Variants in TLR3 observed in about 807,000 individuals in gnomAD.
The protein encoded by TLR3 is toll like receptor 3.
In TLR3, 43 loss-of-function variants were observed where a neutral mutation model predicts 66.4. The ratio of observed to expected loss-of-function variants is 0.65; its 90% CI spans 0.51 to 0.83. The LOEUF is 0.83. Ranked by LOEUF, TLR3 falls within the 40% of genes least tolerant of loss-of-function variation. TLR3 has a pLI of 0.00. For missense variants in TLR3, 982 were observed against 1,044.6 expected, an observed-to-expected ratio of 0.94 and a Z score of 0.83; for synonymous variants, 397 against 397.2, an observed-to-expected ratio of 1.00 and a Z score of 0.01.
intron 1 of TLR3, among the ~76,000 whole-genome samples, chr4:186,073,982 G>T (rs146623573): frequency 6.6e-6 from 1 of 152,268 alleles, no homozygotes; most frequent in African/African-American, 2.4e-5. Context: ...TTAGTCGGCA[G>T]GGAAATGCAA....
In TLR3 at chr4:186,080,598, T is replaced by A. The variant is rs1307276009; in HGVS notation, c.633+1567T>A. Among the ~76,000 whole-genome samples, 5 of 151,908 alleles carry A rather than the reference T, an allele frequency of 3.3e-5. No homozygotes were observed. In the East Asian group the frequency reaches 9.7e-4, roughly 30 times the overall value. ...AATATTTTATTTTATTTTATTTTAT[T>A]TTATTTTTTGAGACTGAGTTTCACT... is the stretch of plus-strand genomic sequence containing the variant. On this transcript the variant is annotated intron_variant, in intron 3 of 4. Coordinates refer to ENST00000296795, the MANE Select transcript of TLR3 (RefSeq NM_003265.3).
chr4:186,073,413 G>A (rs1167110408), intron 1 of TLR3, among the ~76,000 whole-genome samples: 3 of 151,950 alleles, frequency 2.0e-5, no homozygotes, highest in Non-Finnish European at 2.9e-5. Flanking sequence ...CCAGCTACTC[G>A]GGAGCCTGAG....
At position 186,082,300 on chromosome 4, in the gene TLR3, T is replaced by C. The variant is rs2099303676; in HGVS notation, c.634-20T>C. 1.9e-6 allele frequency: 3 copies of C among 1,592,124 alleles called. No homozygotes were observed. The highest frequency in any genetic ancestry group is 2.6e-6 in the Non-Finnish European group (3 of 1,165,286). On this transcript the variant is annotated intron_variant, in intron 3 of 4. Coordinates refer to ENST00000296795, the MANE Select transcript of TLR3 (RefSeq NM_003265.3). ...CTGTGTTCTTTTGATTGTTAACCTC[T>C]TTTTTTTTCCTACCTTTAGTTTTCT...
At chr4:186,079,394 A>G (rs1324085600) in intron 3 of TLR3, among the ~76,000 whole-genome samples, 1 of 152,200 alleles carries the variant, frequency 6.6e-6, no homozygotes, top group East Asian at 1.9e-4. Flanking sequence ...CCCCAGGTTC[A>G]CAGTCGGGTT....
chr4:186,071,256 G>T (rs2099301421), intron 1 of TLR3, among the ~76,000 whole-genome samples: 1 of 152,194 alleles, frequency 6.6e-6, no homozygotes, highest in Admixed American at 6.5e-5. Flanking sequence ...AATGTCTTCA[G>T]ATGGGGCAAG....
chr4:186,076,816 T>G lies in TLR3; in HGVS notation c.197T>G (p.Leu66Ter). 1 of 1,614,132 alleles carries G rather than the reference T, an allele frequency of 6.2e-7. No homozygotes were observed. The highest frequency in any genetic ancestry group is 8.5e-7 in the Non-Finnish European group (1 of 1,180,028). Residue 66 changes from leucine (L) to a stop codon, truncating the protein, a stop_gained, in exon 2 of 5, where the codon TTA becomes TGA. Transcript: ENST00000296795. LOFTEE classifies it high-confidence loss of function. The part of the protein sequence containing the change: ...LNLTHNQLRR[L>*]PAANFTRYSQ... ...CTTACCCATAATCAACTCAGAAGAT[T>G]ACCAGCCGCCAACTTCACAAGGTAT...
Position 186,083,722 on chromosome 4 carries a change from C to G in TLR3, c.2036C>G (p.Thr679Ser). 1.2e-6 allele frequency: 2 copies of G among 1,611,254 alleles called. No homozygotes were observed. Among genetic ancestry groups the G allele is most frequent in the South Asian group, 2.2e-5 (2 of 90,300 alleles). The change falls in exon 4 of 5, where the codon ACT (threonine) becomes AGT (serine). Residue 679 changes from threonine (T) to serine (S), a missense_variant. Physicochemically the swap from Thr to Ser is moderately conservative, Grantham distance 58. This residue lies in a region of TLR3 where 666 missense variants were observed against 709.0 expected (regional missense o/e 0.94). Transcript: ENST00000296795. The surrounding 1 kb of genome is among the most constrained non-coding windows in gnomAD (Gnocchi z 4.0). ...CTGTCAAGCCACTACCTTTGCAACA[C>G]TCCACCTCACTATCATGGGTTCCCA... Reference protein sequence around the residue: ...PELSSHYLCNTPPHYHGFPVR... With the variant: ...PELSSHYLCNSPPHYHGFPVR...
chr4:186,083,901 C>T lies in TLR3; in HGVS notation c.2215C>T (p.His739Tyr), dbSNP rs1376137437. The T allele has an allele frequency of 1.2e-6, 2 of 1,614,152 alleles. No individual in the cohort carries two copies. The highest frequency in any genetic ancestry group is 1.1e-5 in the South Asian group (1 of 91,088). Residue 739 changes from histidine to tyrosine, a missense_variant, in exon 4 of 5, where the codon CAT (histidine) becomes TAT (tyrosine). His to Tyr is a moderately conservative substitution (Grantham distance 83, BLOSUM62 2). This residue lies in a region of TLR3 where 666 missense variants were observed against 709.0 expected (regional missense o/e 0.94). Coordinates refer to ENST00000296795, the MANE Select transcript of TLR3 (RefSeq NM_003265.3). The surrounding 1 kb of genome is among the most constrained non-coding windows in gnomAD (Gnocchi z 4.0). ...RISFYWNVSV[H>Y]RVLGFKEIDR... ...ATCTTTTTATTGGAATGTTTCAGTA[C>T]ATCGAGTTCTTGGTTTCAAAGAAAT...
At chr4:186,081,433 A>G (rs1244367768) in intron 3 of TLR3, among the ~76,000 whole-genome samples, 1 of 152,166 alleles carries the variant, frequency 6.6e-6, no homozygotes, top group African/African-American at 2.4e-5. Context: ...GTAAGGGTGT[A>G]GGACGGAGCA....
rs1337016559 is a variant in TLR3, at chr4:186,085,848, T to G, written c.*975T>G. ...CTAGAAAGACTATTTTTATTTTTGTTTTTTTGTTTGTTTGTTTTTTATTTG... is the reference window on the plus strand; with the variant it reads ...CTAGAAAGACTATTTTTATTTTTGTGTTTTTGTTTGTTTGTTTTTTATTTG... On this transcript the variant is annotated 3_prime_UTR_variant, in exon 5 of 5. Coordinates refer to ENST00000296795, the MANE Select transcript of TLR3 (RefSeq NM_003265.3). 6.6e-6 allele frequency: 1 copy of G among 152,186 alleles called. No homozygotes were observed. The highest frequency in any genetic ancestry group is 3.2e-3 in the Middle Eastern group (1 of 316). The allele number at this position is 152,186 out of a possible 1,614,324, so 9.4% of individuals were successfully genotyped here.
chr4:186,083,173 A>C lies in TLR3; in HGVS notation c.1487A>C (p.Asp496Ala), dbSNP rs201792200. ...MLRRVALKNV[D>A]SSPSPFQPLR... is the part of the protein sequence containing the mutation. ...CGAAGGGTGGCCCTTAAAAATGTGG[A>C]TAGCTCTCCTTCACCATTCCAGCCT... is the stretch of plus-strand genomic sequence containing the variant. Residue 496 changes from aspartate to alanine, a missense_variant, in exon 4 of 5, where the codon GAT becomes GCT. This residue lies in a region of TLR3 where 666 missense variants were observed against 709.0 expected (regional missense o/e 0.94). Coordinates refer to ENST00000296795, the MANE Select transcript of TLR3 (RefSeq NM_003265.3). The surrounding 1 kb of genome is among the most constrained non-coding windows in gnomAD (Gnocchi z 4.0). The C allele has an allele frequency of 6.2e-7, 1 of 1,614,072 alleles. No individual in the cohort carries two copies. The highest frequency in any genetic ancestry group is 1.3e-5 in the African/African-American group (1 of 74,934).
intron 1 of TLR3, among the ~76,000 whole-genome samples, chr4:186,073,824 G>A (rs922905421): frequency 3.3e-5 from 5 of 151,978 alleles, no homozygotes; most frequent in Non-Finnish European, 2.9e-5. Context: ...TTACAAAATA[G>A]GAATCTGACG....
Position 186,069,778 on chromosome 4 carries a change from G to A in TLR3, c.-8+530G>A, listed in dbSNP as rs143860912. Among the ~76,000 whole-genome samples, 989 of 152,324 alleles carry A rather than the reference G, an allele frequency of 6.5e-3. 8 individuals carry two copies. Among genetic ancestry groups the A allele is most frequent in the African/African-American group, 0.022 (930 of 41,568 alleles). On this transcript the variant is annotated intron_variant, in intron 1 of 4. Coordinates refer to ENST00000296795, the MANE Select transcript of TLR3 (RefSeq NM_003265.3). ...TTTCACCTAATGAAGGATAATGGAAGAAGTGGAGAAGTGGAAAGTTGTTAA... is the reference window on the plus strand; with the variant it reads ...TTTCACCTAATGAAGGATAATGGAAAAAGTGGAGAAGTGGAAAGTTGTTAA...
In TLR3 at chr4:186,086,237, G is replaced by T. The variant is rs188364781; in HGVS notation, c.*1364G>T. The T allele has an allele frequency of 1.1e-4, 16 of 152,282 alleles. No homozygotes were observed. In the East Asian group the frequency reaches 2.7e-3, roughly 26 times the overall value. 9.4% of individuals were successfully genotyped at this position (152,282 alleles called of 1,614,324 possible). A position where few individuals can be genotyped will look rare whatever the true frequency, so the allele number is the denominator to read the frequency against. On this transcript the variant is annotated 3_prime_UTR_variant, in exon 5 of 5. Transcript: ENST00000296795. ...AAAGAGAATCTGATTATTGGAAATA[G>T]ACCTGAATAGCTTTTTGAAATATTT...
Position 186,077,005 on chromosome 4 carries a change from AT to A in TLR3, c.387del (p.Leu130SerfsTer20). 1 of 1,614,122 alleles carries A rather than the reference AT, an allele frequency of 6.2e-7. No homozygotes were observed. The highest frequency in any genetic ancestry group is 8.5e-7 in the Non-Finnish European group (1 of 1,180,034). On this transcript the variant is annotated frameshift_variant, in exon 2 of 5. Coordinates refer to ENST00000296795, the MANE Select transcript of TLR3 (RefSeq NM_003265.3). LOFTEE classifies it high-confidence loss of function. ...FAFCTNLTEL[H>X]LMSNSIQKIK... ...TTCTGCACGAATTTGACTGAACTCC[AT>A]CTCATGTCCAACTCAATCCAGAAAA...
At chr4:186,072,222 A>C (rs2099301601) in intron 1 of TLR3, among the ~76,000 whole-genome samples, 1 of 152,226 alleles carries the variant, frequency 6.6e-6, no homozygotes, top group African/African-American at 2.4e-5. Context: ...CACCCACCAC[A>C]GAAGGCAAAG....
Position 186,082,715 on chromosome 4 carries a change from C to T in TLR3, c.1029C>T (p.Leu343=). The T allele has an allele frequency of 6.2e-7, 1 of 1,614,038 alleles. No homozygotes were observed. Among genetic ancestry groups the T allele is most frequent in the Non-Finnish European group, 8.5e-7 (1 of 1,179,944 alleles). The change falls in exon 4 of 5, where the codon CTC becomes CTT. Residue 343 remains leucine (L), a synonymous_variant. Coordinates refer to ENST00000296795, the MANE Select transcript of TLR3 (RefSeq NM_003265.3). ...FTKQSISLAS[L]PKIDDFSFQW... Reference sequence around the variant, plus strand: ...AACAAAGTATTTCCCTTGCCTCACTCCCCAAGATTGATGATTTTTCTTTTC... The same window carrying T: ...AACAAAGTATTTCCCTTGCCTCACTTCCCAAGATTGATGATTTTTCTTTTC...
Position 186,078,950 on chromosome 4 carries a change from AG to A in TLR3, c.553del (p.Ala185ArgfsTer2), listed in dbSNP as rs2099302934. ...TTCTATTATCAAACAATAAAATTCA[AG>A]CGCTAAAAAGTGAAGAACTGGATAT... ...ELLLSNNKIQ[A>X]LKSEELDIFA... On this transcript the variant is annotated frameshift_variant, in exon 3 of 5. Transcript: ENST00000296795. LOFTEE classifies it high-confidence loss of function. The A allele has an allele frequency of 6.2e-7, 1 of 1,613,606 alleles. No individual in the cohort carries two copies. The highest frequency in any genetic ancestry group is 1.7e-5 in the Admixed American group (1 of 59,894).
chr4:186,069,190 C>G lies in TLR3; in HGVS notation c.-66C>G, dbSNP rs116729895. The G allele has an allele frequency of 6.6e-6, 1 of 152,030 alleles. No homozygotes were observed. The highest frequency in any genetic ancestry group is 1.5e-5 in the Non-Finnish European group (1 of 68,002). 9.4% of individuals were successfully genotyped at this position (152,030 alleles called of 1,614,324 possible). A position where few individuals can be genotyped will look rare whatever the true frequency, so the allele number is the denominator to read the frequency against. ...AGTGCCGTCTATTTGCCACACACTT[C>G]CCTGATGAAATGTCTGGATTTGGAC... is the stretch of plus-strand genomic sequence containing the variant. On this transcript the variant is annotated 5_prime_UTR_variant, in exon 1 of 5. Coordinates refer to ENST00000296795, the MANE Select transcript of TLR3 (RefSeq NM_003265.3).
Sources: allele counts gnomAD v4.1 joint callset (sites outside exome capture counted in the v4.1 genomes callset), GRCh38; gene constraint gnomAD v4.1.1; regional missense constraint gnomAD v4.1.1; non-coding constraint Gnocchi (gnomAD v3.1); transcripts MANE v1.5; gene names NCBI Gene and HGNC (gene_info 2026-07-23, HGNC 2026-07-21).